The following GABRA4 variants were observed in gnomAD, a reference collection of about 807,000 sequenced individuals.
GABRA4 encodes the protein gamma-aminobutyric acid receptor subunit alpha-4.
Under a neutral mutation model 49.7 loss-of-function variants are expected in GABRA4, and 12 were observed. That is an observed-to-expected ratio of 0.24 (90% CI 0.15 to 0.39). The LOEUF is 0.39. Among genes scored for constraint, GABRA4 ranks in the 10% least tolerant of loss-of-function variants. The pLI is 1.00. For missense variants in GABRA4, 506 were observed against 686.0 expected (o/e 0.74, Z 2.93); for synonymous variants, 288 against 240.2 (o/e 1.20, Z -1.84).
At chr4:46,946,101 G>C (rs1721969155) in intron 8 of GABRA4, among the ~76,000 whole-genome samples, 2 of 152,198 alleles carry the variant, frequency 1.3e-5, no homozygotes, top group South Asian at 4.2e-4. Context: ...ATAGGCCACT[G>C]GTGATCCTGG....
intron 2 of GABRA4, among the ~76,000 whole-genome samples, chr4:46,992,446 G>A (rs763495607): frequency 4.5e-4 from 68 of 152,182 alleles, no homozygotes; most frequent in Admixed American, 1.3e-3. Context: ...AGGGACTTCG[G>A]TTCAGCTGCC....
Position 46,927,771 on chromosome 4 carries a change from C to T in GABRA4, c.*454G>A. The T allele has an allele frequency of 6.5e-6, 1 of 154,678 alleles. No homozygotes were observed. Among genetic ancestry groups the T allele is most frequent in the Non-Finnish European group, 1.4e-5 (1 of 69,766 alleles). 9.6% of individuals were successfully genotyped at this position (154,678 alleles called of 1,614,324 possible). A position where few individuals can be genotyped will look rare whatever the true frequency, so the allele number is the denominator to read the frequency against. The stretch of plus-strand genomic sequence containing the variant: ...TTAATTTAACAGGAAAATTCCTTTT[C>T]TTGAAGTTCCTAAGAAGATCACCAA... On this transcript the variant is annotated 3_prime_UTR_variant, in exon 9 of 9. Transcript: ENST00000264318.
intron 4 of GABRA4, 28 bp from the exon 5 acceptor site, chr4:46,977,171 A>G: frequency 6.9e-7 from 1 of 1,440,902 alleles, no homozygotes; most frequent in Middle Eastern, 1.8e-4. Context: ...ATTAAATAAA[A>G]TCAACCCTTT....
At chr4:46,979,186 T>C (rs1459657962) in intron 2 of GABRA4, 88 bp from the exon 3 acceptor site, 18 of 767,626 alleles carry the variant, frequency 2.3e-5, no homozygotes, top group Non-Finnish European at 3.6e-5. Flanking sequence ...TAAATACAGA[T>C]ATGATATATC....
In GABRA4 at chr4:46,928,100, A is replaced by G; in HGVS notation, c.*125T>C. 1 of 839,820 alleles carries G rather than the reference A, an allele frequency of 1.2e-6. No individual in the cohort carries two copies. The highest frequency in any genetic ancestry group is 3.1e-5 in the Admixed American group (1 of 31,756). The allele number at this position is 839,820 out of a possible 1,614,324, so 52.0% of individuals were successfully genotyped here. A position where few individuals can be genotyped will look rare whatever the true frequency, so the allele number is the denominator to read the frequency against. Reference sequence around the variant, plus strand: ...TTAACTCTCCCAATAACTGGCTTATATCTTTAAATGGAAAAATTACACAGA... The same window carrying G: ...TTAACTCTCCCAATAACTGGCTTATGTCTTTAAATGGAAAAATTACACAGA... On this transcript the variant is annotated 3_prime_UTR_variant, in exon 9 of 9. Coordinates refer to ENST00000264318, the MANE Select transcript of GABRA4 (RefSeq NM_000809.4).
intron 8 of GABRA4, among the ~76,000 whole-genome samples, chr4:46,937,537 T>G (rs1450499836): frequency 6.6e-6 from 1 of 152,220 alleles, no homozygotes; most frequent in East Asian, 1.9e-4. Context: ...TGAGTGGGTA[T>G]ACTTTTCTGG....
At chr4:46,937,811 T>G (rs1392375329) in intron 8 of GABRA4, among the ~76,000 whole-genome samples, 1 of 152,126 alleles carries the variant, frequency 6.6e-6, no homozygotes, top group Non-Finnish European at 1.5e-5. Context: ...AACTGGAGCT[T>G]TTATTTAACC....
intron 8 of GABRA4, among the ~76,000 whole-genome samples, chr4:46,963,815 A>G (rs542132453): frequency 6.6e-6 from 1 of 151,948 alleles, no homozygotes; most frequent in Admixed American, 6.6e-5. Flanking sequence ...CAAACACTGG[A>G]GATAAATTAG....
chr4:46,935,439 C>G (rs1303599695), intron 8 of GABRA4, among the ~76,000 whole-genome samples: 2 of 152,040 alleles, frequency 1.3e-5, no homozygotes, highest in Non-Finnish European at 2.9e-5. Flanking sequence ...CAGCTGAAGT[C>G]ACATAATAAG....
intron 6 of GABRA4, among the ~76,000 whole-genome samples, chr4:46,972,391 C>T (rs1722980672): frequency 6.6e-6 from 1 of 151,402 alleles, no homozygotes; most frequent in South Asian, 2.1e-4. Flanking sequence ...TTTTATTTAT[C>T]CATAATAAAT....
At chr4:46,976,146 G>T (rs1723131843) in intron 5 of GABRA4, among the ~76,000 whole-genome samples, 3 of 151,730 alleles carry the variant, frequency 2.0e-5, no homozygotes, top group East Asian at 2.0e-4. Flanking sequence ...AGAGAAGGGA[G>T]CTTAAGGGAA....
intron 8 of GABRA4, among the ~76,000 whole-genome samples, chr4:46,958,966 G>T (rs1258089397): frequency 6.6e-6 from 1 of 151,980 alleles, no homozygotes; most frequent in East Asian, 1.9e-4. Flanking sequence ...TAAGTAAATA[G>T]CTTTACAAGT....
At chr4:46,979,119 A>G in intron 2 of GABRA4, 21 bp from the exon 3 acceptor site, 1 of 1,498,658 alleles carries the variant, frequency 6.7e-7, no homozygotes, top group Non-Finnish European at 9.3e-7. Flanking sequence ...TGAAGTAAAT[A>G]AGTGTGAAAA....
intron 7 of GABRA4, among the ~76,000 whole-genome samples, chr4:46,969,310 C>G (rs1163016985): frequency 2.0e-5 from 3 of 151,412 alleles, no homozygotes; most frequent in African/African-American, 7.3e-5. Flanking sequence ...ATAGAAACTT[C>G]TGGGTTTTCC....
chr4:46,967,890 T>A (rs1213654621), intron 7 of GABRA4, among the ~76,000 whole-genome samples: 1 of 151,536 alleles, frequency 6.6e-6, no homozygotes, highest in Admixed American at 6.6e-5. Context: ...GAAATAGCAA[T>A]GATTAAGATA....
At chr4:46,990,141 A>C (rs1300642485) in intron 2 of GABRA4, among the ~76,000 whole-genome samples, 2 of 151,090 alleles carry the variant, frequency 1.3e-5, no homozygotes, top group African/African-American at 4.9e-5. Flanking sequence ...AACAAACAAA[A>C]CCCATATTAT....
rs972816321 is a variant in GABRA4 at position 46,927,898 on chromosome 4, T to A, written c.*327A>T. ...ATACTCATAGGGCAGATTTTTAAAA[T>A]GTCATAGTCTGTTTTCAAATATCAA... On this transcript the variant is annotated 3_prime_UTR_variant, in exon 9 of 9. Transcript: ENST00000264318. The A allele has an allele frequency of 5.2e-6, 1 of 191,222 alleles. No individual in the cohort carries two copies. Among genetic ancestry groups the A allele is most frequent in the Non-Finnish European group, 1.1e-5 (1 of 92,744 alleles). 11.8% of individuals were successfully genotyped at this position (191,222 alleles called of 1,614,324 possible).
chr4:46,981,300 G>A (rs1723347458), intron 2 of GABRA4, among the ~76,000 whole-genome samples: 1 of 152,062 alleles, frequency 6.6e-6, no homozygotes, highest in Admixed American at 6.6e-5. Context: ...TTATTTTAAA[G>A]TGTGTGGGCG....
chr4:46,964,232 T>C (rs1222692683), intron 8 of GABRA4, among the ~76,000 whole-genome samples: 4 of 151,842 alleles, frequency 2.6e-5, no homozygotes, highest in East Asian at 1.9e-4. Flanking sequence ...CTCATGAACA[T>C]AGAGGGTAAA....
Sources: gnomAD v4.1 joint callset for allele counts (sites outside exome capture counted in the v4.1 genomes callset) on GRCh38, gnomAD v4.1.1 for gene constraint, MANE v1.5 for transcripts, NCBI Gene and HGNC (gene_info 2026-07-23, HGNC 2026-07-21) for gene names.